USP47: variants seen among roughly 807,000 people sequenced by gnomAD.
The protein encoded by USP47 is ubiquitin specific peptidase 47, also known as ubiquitin carboxyl-terminal hydrolase 47.
In USP47, 35 loss-of-function variants were observed where a neutral mutation model predicts 165.1. That is an observed-to-expected ratio of 0.21 (90% CI 0.16 to 0.28). USP47 has a LOEUF of 0.28. Ranked by LOEUF, USP47 falls within the 10% of genes least tolerant of loss-of-function variation. The probability of loss-of-function intolerance (pLI) is 1.00; values close to 1 mark genes in which losing one functional copy is unlikely to be tolerated. For missense variants in USP47, 1,277 were observed against 1,607.4 expected, an observed-to-expected ratio of 0.79 and a Z score of 3.52; for synonymous variants, 531 against 544.5, an observed-to-expected ratio of 0.98 and a Z score of 0.35.
At chr11:11,843,491 G>T (rs1177239561) in intron 1 of USP47, among the ~76,000 whole-genome samples, 1 of 152,232 alleles carries the variant, frequency 6.6e-6, no homozygotes, top group Non-Finnish European at 1.5e-5. Context: ...GGGAACACTA[G>T]TGTTTGTTGA....
At chr11:11,916,423 A>G (rs140030042) in intron 8 of USP47, among the ~76,000 whole-genome samples, 1 of 152,342 alleles carries the variant, frequency 6.6e-6, no homozygotes, top group East Asian at 1.9e-4. Flanking sequence ...AATGAGCAGA[A>G]CAAAACCTGG....
At chr11:11,955,556 T>C (rs1472996282) in intron 27 of USP47, among the ~76,000 whole-genome samples, 1 of 152,252 alleles carries the variant, frequency 6.6e-6, no homozygotes, top group Non-Finnish European at 1.5e-5. Flanking sequence ...ATGTGGCTAA[T>C]GGCTGTTGTA....
chr11:11,941,245 A>AG (rs1296566646), intron 19 of USP47, among the ~76,000 whole-genome samples: 4 of 151,736 alleles, frequency 2.6e-5, no homozygotes, highest in African/African-American at 9.7e-5. Context: ...GTGGTGGGGG[A>AG]GGGGATGTAC....
intron 24 of USP47, chr11:11,950,729 A>T: frequency 4.3e-6 from 1 of 232,696 alleles, no homozygotes; most frequent in Non-Finnish European, 8.2e-6. Flanking sequence ...TTGAAAGAAT[A>T]ATCAGTGTCT....
chr11:11,856,883 A>G (rs1392114824), intron 1 of USP47: 1 of 152,258 alleles, frequency 6.6e-6, no homozygotes, highest in Non-Finnish European at 1.5e-5. Context: ...ACTGTAGTGT[A>G]GAGAACTCCC....
chr11:11,904,430 G>C (rs906402999), intron 7 of USP47, among the ~76,000 whole-genome samples: 3 of 152,260 alleles, frequency 2.0e-5, no homozygotes, highest in Admixed American at 1.3e-4. Context: ...CCTCATGCCT[G>C]TTCTTACTTA....
At chr11:11,908,074 C>G (rs540657724) in intron 8 of USP47, among the ~76,000 whole-genome samples, 1 of 149,886 alleles carries the variant, frequency 6.7e-6, no homozygotes, top group East Asian at 1.9e-4. Context: ...GGCAACTGAG[C>G]ATGACTCTGT....
chr11:11,938,444 T>A, intron 18 of USP47, 72 bp downstream of exon 18: 1 of 1,117,762 alleles, frequency 8.9e-7, no homozygotes. Context: ...ATGTGACAGT[T>A]ATGAATAAGA....
chr11:11,929,890 G>A (rs752644195), intron 12 of USP47, among the ~76,000 whole-genome samples, 154 bp from the exon 13 acceptor site: 6 of 152,104 alleles, frequency 3.9e-5, no homozygotes, highest in Non-Finnish European at 8.8e-5. Context: ...AGCAGCCACT[G>A]ATTATGATTA....
At chr11:11,923,856 C>CT (rs1474102018) in intron 11 of USP47, among the ~76,000 whole-genome samples, 2 of 152,232 alleles carry the variant, frequency 1.3e-5, no homozygotes, top group African/African-American at 4.8e-5. Flanking sequence ...TACATTGTAA[C>CT]TGAGTATAGA....
At chr11:11,941,670 T>C (rs1388779710) in intron 19 of USP47, among the ~76,000 whole-genome samples, 1 of 152,044 alleles carries the variant, frequency 6.6e-6, no homozygotes, top group Non-Finnish European at 1.5e-5. Flanking sequence ...TATCATTTCA[T>C]CTATAGATAA....
chr11:11,943,212 C>T (rs1045678540), intron 20 of USP47, 100 bp downstream of exon 20: 11 of 1,314,618 alleles, frequency 8.4e-6, no homozygotes, highest in Non-Finnish European at 1.1e-5. Flanking sequence ...GTTCTAAGAT[C>T]ATTTGTAACT....
chr11:11,948,112 G>T lies in USP47; in HGVS notation c.3259G>T (p.Asp1087Tyr), dbSNP rs1322740833. Residue 1087 changes from aspartate to tyrosine, a missense_variant, in exon 21 of 28, where the codon GAC becomes TAC. By Grantham distance (160) the Asp-to-Tyr change is radical. Coordinates refer to ENST00000527733, the MANE Select transcript of USP47 (RefSeq NM_001282659.2). The part of the protein sequence containing the change: ...LNETLSSFSD[D>Y]NKITIRLGRA... Reference sequence around the variant, plus strand: ...TGAGACACTTTCATCATTTTCTGATGACAATAAGGTTGATTAAAATAATCT... The same window carrying T: ...TGAGACACTTTCATCATTTTCTGATTACAATAAGGTTGATTAAAATAATCT... The T allele has an allele frequency of 6.2e-7, 1 of 1,610,086 alleles. No individual in the cohort carries two copies. The highest frequency in any genetic ancestry group is 8.5e-7 in the Non-Finnish European group (1 of 1,178,784).
chr11:11,878,828 T>A (rs1291934656), intron 1 of USP47, among the ~76,000 whole-genome samples: 3 of 152,172 alleles, frequency 2.0e-5, no homozygotes, highest in Non-Finnish European at 2.9e-5. Context: ...GATAATTGTA[T>A]TACTTCAACA....
chr11:11,940,411 A>T lies in USP47; in HGVS notation c.2194-18A>T. ...TATTTTTGAAAGAGTACTTTTTATT[A>T]AATTGCTTTCATTATAGGCCATCCA... is the stretch of plus-strand genomic sequence containing the variant. On this transcript the variant is annotated intron_variant, in intron 18 of 27. Coordinates refer to ENST00000527733, the MANE Select transcript of USP47 (RefSeq NM_001282659.2). 6.3e-7 allele frequency: 1 copy of T among 1,575,868 alleles called. No individual in the cohort carries two copies. Among genetic ancestry groups the T allele is most frequent in the South Asian group, 1.2e-5 (1 of 84,622 alleles).
intron 5 of USP47, among the ~76,000 whole-genome samples, chr11:11,899,407 T>G (rs1393821071): frequency 6.6e-6 from 1 of 152,222 alleles, no homozygotes; most frequent in Non-Finnish European, 1.5e-5. Flanking sequence ...GTGCTAGGCA[T>G]TCTTTTAGGT....
At chr11:11,879,871 T>G (rs1850718178) in intron 1 of USP47, among the ~76,000 whole-genome samples, 1 of 152,182 alleles carries the variant, frequency 6.6e-6, no homozygotes, top group African/African-American at 2.4e-5. Context: ...GCTTAAATAT[T>G]ACTATCTTCA....
At chr11:11,938,073 G>A (rs114986148) in intron 17 of USP47, among the ~76,000 whole-genome samples, 184 bp from the exon 18 acceptor site, 85 of 152,058 alleles carry the variant, frequency 5.6e-4, no homozygotes, top group African/African-American at 2.0e-3. Flanking sequence ...AAGCAGGAGT[G>A]CTGTGTCACC....
chr11:11,943,276 G>C (rs1480274975), intron 20 of USP47, 164 bp downstream of exon 20: 4 of 637,712 alleles, frequency 6.3e-6, no homozygotes, highest in Admixed American at 7.0e-5. Flanking sequence ...TCTTAGACCT[G>C]TGCAGTAAAT....
Sources: gnomAD v4.1 joint callset for allele counts (sites outside exome capture counted in the v4.1 genomes callset) on GRCh38, gnomAD v4.1.1 for gene constraint, MANE v1.5 for transcripts, NCBI Gene and HGNC (gene_info 2026-07-23, HGNC 2026-07-21) for gene names.